The following KDM3B variants were observed in gnomAD, a reference collection of about 807,000 sequenced individuals.
KDM3B encodes the protein lysine-specific demethylase 3B.
A neutral mutation model predicts 170.0 loss-of-function variants in KDM3B; 10 were observed. That is an observed-to-expected ratio of 0.06 (90% CI 0.04 to 0.10). The LOEUF is 0.10. KDM3B is among the 10% of genes least tolerant of loss of function. The pLI is 1.00. For synonymous variants in KDM3B, 831 were observed against 834.8 expected (o/e 1.00, Z 0.08); for missense variants, 1,394 against 2,195.2 (o/e 0.64, Z 7.29).
Position 138,413,179 on chromosome 5 carries a change from A to T in KDM3B, c.3200-1953A>T, listed in dbSNP as rs373910580. 3.5e-4 allele frequency among the ~76,000 whole-genome samples: 53 copies of T among 152,210 alleles called. 1 individual carries two copies. In the East Asian group the frequency reaches 9.5e-3, roughly 27 times the overall value. On this transcript the variant is annotated intron_variant, in intron 11 of 23. Transcript: ENST00000314358. ...CGCGGGTGGATCACAAGGTCAGAAGATTGAGACCATCCTAGCTAACATTGA... is the reference window on the plus strand; with the variant it reads ...CGCGGGTGGATCACAAGGTCAGAAGTTTGAGACCATCCTAGCTAACATTGA...
chr5:138,433,373 A>G (rs1340437068), intron 23 of KDM3B, among the ~76,000 whole-genome samples: 2 of 149,856 alleles, frequency 1.3e-5, no homozygotes. Context: ...TCGGCCTCCC[A>G]AAGTGCTGGG....
intron 11 of KDM3B, among the ~76,000 whole-genome samples, chr5:138,408,072 C>T (rs1282484121): frequency 6.6e-6 from 1 of 152,184 alleles, no homozygotes; most frequent in East Asian, 1.9e-4. Flanking sequence ...GCTTCATCTT[C>T]CCTTCGCTTT....
chr5:138,424,845 G>A (rs1763356321), intron 16 of KDM3B, among the ~76,000 whole-genome samples: 1 of 152,186 alleles, frequency 6.6e-6, no homozygotes. Context: ...GCATCCTCTT[G>A]TTTCTAAGCT....
Position 138,419,308 on chromosome 5 carries a change from A to G in KDM3B, c.3715+76A>G, listed in dbSNP as rs192834842. On this transcript the variant is annotated intron_variant, in intron 14 of 23. Coordinates refer to ENST00000314358, the MANE Select transcript of KDM3B (RefSeq NM_016604.4). ...TTTCCAGGATTCTTTGAACTCACAC[A>G]TTACCATCCACATTTATGAAACATG... 5.0e-4 allele frequency: 719 copies of G among 1,450,902 alleles called. 5 individuals carry two copies. The East Asian group carries it at 0.011, about 23-fold the overall frequency. The allele number at this position is 1,450,902 out of a possible 1,614,324, so 89.9% of individuals were successfully genotyped here. A position where few individuals can be genotyped will look rare whatever the true frequency, so the allele number is the denominator to read the frequency against.
chr5:138,422,321 T>C (rs1228305737), intron 15 of KDM3B, among the ~76,000 whole-genome samples: 1 of 152,148 alleles, frequency 6.6e-6, no homozygotes, highest in Non-Finnish European at 1.5e-5. Context: ...AATGAATGAA[T>C]TCATAAGGTA....
At chr5:138,390,254 T>C (rs1215063601) in intron 7 of KDM3B, among the ~76,000 whole-genome samples, 1 of 152,216 alleles carries the variant, frequency 6.6e-6, no homozygotes, top group African/African-American at 2.4e-5. Flanking sequence ...TCTTCAGTTA[T>C]GCTGAAGGCT....
chr5:138,402,293 T>C (rs1762712883), intron 11 of KDM3B, among the ~76,000 whole-genome samples: 1 of 152,228 alleles, frequency 6.6e-6, no homozygotes, highest in Non-Finnish European at 1.5e-5. Context: ...CTTTATCTTA[T>C]TACGTGCCAG....
intron 14 of KDM3B, among the ~76,000 whole-genome samples, chr5:138,420,287 T>C (rs1580947982): frequency 6.6e-6 from 1 of 152,174 alleles, no homozygotes; most frequent in East Asian, 1.9e-4. Context: ...ACAAGAATCA[T>C]CTGGGGAATG....
chr5:138,385,061 G>A (rs1431913760), intron 6 of KDM3B, among the ~76,000 whole-genome samples: 1 of 151,510 alleles, frequency 6.6e-6, no homozygotes, highest in Non-Finnish European at 1.5e-5. Context: ...CCCTCTTGTT[G>A]CCCAGGCTGG....
intron 12 of KDM3B, 123 bp downstream of exon 12, chr5:138,415,362 T>G (rs1482153703): frequency 1.8e-6 from 1 of 546,232 alleles, no homozygotes; most frequent in East Asian, 2.9e-5. Flanking sequence ...CAGATTTCTC[T>G]GAGAATTTGG....
chr5:138,364,960 G>A (rs902845744), intron 1 of KDM3B, among the ~76,000 whole-genome samples: 1 of 152,178 alleles, frequency 6.6e-6, no homozygotes, highest in Non-Finnish European at 1.5e-5. Flanking sequence ...GGGATAATTG[G>A]TAGAAAGCTA....
At chr5:138,430,813 C>G (rs559156270) in intron 22 of KDM3B, among the ~76,000 whole-genome samples, 33 of 152,226 alleles carry the variant, frequency 2.2e-4, no homozygotes, top group African/African-American at 7.7e-4. Flanking sequence ...TCGCTTGAAC[C>G]CGGGAGGTGG....
chr5:138,386,026 G>A lies in KDM3B; in HGVS notation c.785G>A (p.Gly262Asp). 4 of 1,596,798 alleles carry A rather than the reference G, an allele frequency of 2.5e-6. No homozygotes were observed. The highest frequency in any genetic ancestry group is 3.4e-6 in the Non-Finnish European group (4 of 1,171,768). The change falls in exon 7 of 24, where the codon GGT (glycine) becomes GAT (aspartate). Residue 262 changes from glycine to aspartate, a missense_variant. Gly to Asp is a moderately conservative substitution (Grantham distance 94). Coordinates refer to ENST00000314358, the MANE Select transcript of KDM3B (RefSeq NM_016604.4). ...TTTTTGAATTTTGTTTTGTAGGGGG[G>A]TACGTTAAAAGCAGTAAAATCTTCC... is the stretch of plus-strand genomic sequence containing the variant. ...MDNSAPQSEG[G>D]TLKAVKSSKG...
At chr5:138,413,081 C>T (rs1359831385) in intron 11 of KDM3B, among the ~76,000 whole-genome samples, 2 of 152,048 alleles carry the variant, frequency 1.3e-5, no homozygotes, top group East Asian at 3.9e-4. Flanking sequence ...AGAATGGCTA[C>T]AATTCTTAAA....
chr5:138,362,317 C>CAATA (rs1761629997), intron 1 of KDM3B, among the ~76,000 whole-genome samples: 1 of 151,722 alleles, frequency 6.6e-6, no homozygotes, highest in East Asian at 1.9e-4. Context: ...AGAAGGAACT[C>CAATA]TATTGTCATG....
intron 7 of KDM3B, among the ~76,000 whole-genome samples, chr5:138,387,844 G>A (rs1260330378): frequency 1.3e-5 from 2 of 152,160 alleles, no homozygotes; most frequent in African/African-American, 4.8e-5. Context: ...CACTTTGGGA[G>A]GCCAAGGCGG....
intron 7 of KDM3B, among the ~76,000 whole-genome samples, chr5:138,390,321 T>C (rs555797835): frequency 3.3e-4 from 50 of 152,348 alleles, no homozygotes; most frequent in Non-Finnish European, 5.9e-4. Context: ...TATTAGATTC[T>C]AATTATAACA....
At chr5:138,423,968 A>T in intron 15 of KDM3B, 107 bp from the exon 16 acceptor site, 1 of 1,068,134 alleles carries the variant, frequency 9.4e-7, no homozygotes. Context: ...TGTAGAATTT[A>T]ATCAGACAGG....
In KDM3B at chr5:138,398,465, G is replaced by C. The variant is rs1038362905; in HGVS notation, c.3046+73G>C. 4.4e-6 allele frequency: 6 copies of C among 1,350,520 alleles called. No homozygotes were observed. The Admixed American group carries it at 5.6e-5, about 13-fold the overall frequency. 83.7% of individuals were successfully genotyped at this position (1,350,520 alleles called of 1,614,324 possible). A position where few individuals can be genotyped will look rare whatever the true frequency, so the allele number is the denominator to read the frequency against. On this transcript the variant is annotated intron_variant, in intron 10 of 23. Transcript: ENST00000314358. ...TTTATTTTCTTTCACTTAACGGGAA[G>C]ATTGGGGACAGTGGCAGATGGCATT...
Sources: allele counts gnomAD v4.1 joint callset (sites outside exome capture counted in the v4.1 genomes callset), GRCh38; gene constraint gnomAD v4.1.1; transcripts MANE v1.5; gene names NCBI Gene and HGNC (gene_info 2026-07-23, HGNC 2026-07-21).